TGFBR3: variants seen among roughly 807,000 people sequenced by gnomAD.
TGFBR3 encodes the protein transforming growth factor beta receptor type 3.
A neutral mutation model predicts 87.9 loss-of-function variants in TGFBR3; 46 were observed. That is an observed-to-expected ratio of 0.52 (90% confidence interval 0.41 to 0.67). The LOEUF (loss-of-function observed/expected upper bound fraction) is 0.67. Ranked by LOEUF, TGFBR3 falls within the 30% of genes least tolerant of loss-of-function variation. TGFBR3 has a pLI of 0.00. For missense variants in TGFBR3, 866 were observed against 1,041.9 expected (o/e 0.83, Z 2.32); for synonymous variants, 381 against 391.6 (o/e 0.97, Z 0.32).
At chr1:91,881,113 G>A in intron 1 of TGFBR3, among the ~76,000 whole-genome samples, 1 of 152,102 alleles carries the variant, frequency 6.6e-6, no homozygotes, top group Non-Finnish European at 1.5e-5. Flanking sequence ...TACTTACACA[G>A]TCACAGTCTA....
At chr1:91,872,082 G>T (rs1678599891) in intron 1 of TGFBR3, among the ~76,000 whole-genome samples, 1 of 152,156 alleles carries the variant, frequency 6.6e-6, no homozygotes, top group Non-Finnish European at 1.5e-5. Flanking sequence ...GAATGACACT[G>T]CAGGCTTTGT....
intron 1 of TGFBR3, among the ~76,000 whole-genome samples, chr1:91,883,470 G>A (rs1320038818): frequency 1.3e-5 from 2 of 152,080 alleles, no homozygotes; most frequent in Admixed American, 1.3e-4. Context: ...AACTCCAAAA[G>A]CAACTTAGTT....
chr1:91,814,066 G>A (rs1056463077), intron 2 of TGFBR3, among the ~76,000 whole-genome samples: 2 of 152,204 alleles, frequency 1.3e-5, no homozygotes, highest in Non-Finnish European at 2.9e-5. Context: ...TGGCCTGGGG[G>A]TGGGGACCCC....
intron 3 of TGFBR3, among the ~76,000 whole-genome samples, chr1:91,773,960 C>A (rs1321793304): frequency 1.3e-5 from 2 of 152,156 alleles, no homozygotes; most frequent in Non-Finnish European, 1.5e-5. Flanking sequence ...AACTTTAATT[C>A]TGGGTCAGTG....
At chr1:91,861,426 T>C in intron 2 of TGFBR3, 45 bp downstream of exon 2, 1 of 1,447,928 alleles carries the variant, frequency 6.9e-7, no homozygotes, top group Non-Finnish European at 9.7e-7. Context: ...ACAAAATATA[T>C]CCAAAAATAT....
chr1:91,877,581 C>T (rs1256710055), intron 1 of TGFBR3, among the ~76,000 whole-genome samples: 1 of 152,114 alleles, frequency 6.6e-6, no homozygotes, highest in Non-Finnish European at 1.5e-5. Flanking sequence ...AAATTAAAAC[C>T]TGGAACGTCT....
At chr1:91,885,724 C>A (rs1012136351) in intron 1 of TGFBR3, among the ~76,000 whole-genome samples, 154 bp downstream of exon 1, 20 of 152,252 alleles carry the variant, frequency 1.3e-4, no homozygotes, top group Admixed American at 9.8e-4. Flanking sequence ...CCCACCAGCG[C>A]CTCCCTCCCA....
chr1:91,780,207 G>A (rs1412305551), intron 3 of TGFBR3, among the ~76,000 whole-genome samples: 1 of 152,154 alleles, frequency 6.6e-6, no homozygotes, highest in Non-Finnish European at 1.5e-5. Flanking sequence ...ATCTTTGGGG[G>A]CCATTATTTA....
At chr1:91,887,856 G>T (rs1679367948), upstream of TGFBR3, among the ~76,000 whole-genome samples, 1 of 152,148 alleles carries the variant, frequency 6.6e-6, no homozygotes, top group Non-Finnish European at 1.5e-5. Context: ...ATACAAGTAG[G>T]CATAATATTC....
chr1:91,694,073 C>T (rs1173785729), intron 16 of TGFBR3, among the ~76,000 whole-genome samples: 1 of 152,080 alleles, frequency 6.6e-6, no homozygotes, highest in Non-Finnish European at 1.5e-5. Flanking sequence ...ACCATCACAG[C>T]TCACTTCAGC....
intron 1 of TGFBR3, among the ~76,000 whole-genome samples, chr1:91,879,823 G>C (rs1679001490): frequency 6.6e-6 from 1 of 152,044 alleles, no homozygotes; most frequent in African/African-American, 2.4e-5. Flanking sequence ...AAGAAATCTA[G>C]AAATTTTATA....
intron 4 of TGFBR3, among the ~76,000 whole-genome samples, chr1:91,743,428 G>A (rs182223958): frequency 1.3e-5 from 2 of 152,162 alleles, no homozygotes; most frequent in Admixed American, 1.3e-4. Flanking sequence ...CCTCCTTCAA[G>A]TCTATTCAAA....
At chr1:91,829,536 T>C (rs920928372) in intron 2 of TGFBR3, among the ~76,000 whole-genome samples, 1 of 152,120 alleles carries the variant, frequency 6.6e-6, no homozygotes, top group Non-Finnish European at 1.5e-5. Flanking sequence ...TCATAGAACC[T>C]GTGAATACCA....
chr1:91,800,228 CAAAA>C (rs148518308), intron 2 of TGFBR3, among the ~76,000 whole-genome samples: 10,346 of 113,506 alleles, frequency 0.091, 681 homozygotes, highest in East Asian at 0.41. Flanking sequence ...CCCATCTCTA[CAAAA>C]AAAAAAAAAA....
intron 3 of TGFBR3, among the ~76,000 whole-genome samples, chr1:91,794,885 G>A (rs897562722): frequency 3.9e-5 from 6 of 152,144 alleles, no homozygotes; most frequent in Non-Finnish European, 5.9e-5. Flanking sequence ...CACTTCTCTC[G>A]GGTATATACC....
chr1:91,799,457 T>G (rs1675519167), intron 2 of TGFBR3, among the ~76,000 whole-genome samples: 1 of 152,152 alleles, frequency 6.6e-6, no homozygotes, highest in Non-Finnish European at 1.5e-5. Flanking sequence ...CATCCTGCCC[T>G]CCTGGCCTCC....
At chr1:91,708,880 A>G (rs1671888209) in intron 13 of TGFBR3, 97 bp from the exon 14 acceptor site, 1 of 1,525,704 alleles carries the variant, frequency 6.6e-7, no homozygotes, top group African/African-American at 1.4e-5. Context: ...TTTATCAGAC[A>G]GCACACAGCT....
In TGFBR3 at chr1:91,853,914, C is replaced by T. The variant is rs577544400; in HGVS notation, c.61+7557G>A. Among the ~76,000 whole-genome samples, 337 of 152,216 alleles carry T rather than the reference C, an allele frequency of 2.2e-3. 2 individuals carry two copies. The highest frequency in any genetic ancestry group is 7.7e-3 in the African/African-American group (321 of 41,546). The stretch of plus-strand genomic sequence containing the variant: ...TGTAGTCCCAGTCAGGAGGCCAAGG[C>T]AGGAGAATCACTCGAACCCGGGAGG... On this transcript the variant is annotated intron_variant, in intron 2 of 16. Coordinates refer to ENST00000212355, the MANE Select transcript of TGFBR3 (RefSeq NM_003243.5).
chr1:91,754,499 A>G (rs2100881858), intron 4 of TGFBR3, among the ~76,000 whole-genome samples: 1 of 152,322 alleles, frequency 6.6e-6, no homozygotes, highest in South Asian at 2.1e-4. Flanking sequence ...CTTGAAACTC[A>G]GCCTGAAAGC....
Sources: gnomAD v4.1 joint callset for allele counts (sites outside exome capture counted in the v4.1 genomes callset) on GRCh38, gnomAD v4.1.1 for gene constraint, MANE v1.5 for transcripts, NCBI Gene and HGNC (gene_info 2026-07-23, HGNC 2026-07-21) for gene names.